The following MAPK9 variants were observed in gnomAD, a reference collection of about 807,000 sequenced individuals.
MAPK9 encodes mitogen-activated protein kinase 9, also known as Jun kinase.
MAPK9 carries 30 observed loss-of-function variants against 57.1 expected under a neutral mutation model. The observed-to-expected ratio is 0.53, with a 90% confidence interval of 0.39 to 0.71. The LOEUF (loss-of-function observed/expected upper bound fraction) is 0.71, where lower values mean the gene tolerates loss of function less well. Among genes scored for constraint, MAPK9 ranks in the 30% least tolerant of loss-of-function variants. The pLI is 0.00. For missense variants in MAPK9, 362 were observed against 521.0 expected (o/e 0.69, Z 2.97); for synonymous variants, 155 against 177.0 (o/e 0.88, Z 0.99).
intron 3 of MAPK9, among the ~76,000 whole-genome samples, chr5:180,267,041 A>G (rs1051768641): frequency 1.3e-5 from 2 of 152,204 alleles, no homozygotes; most frequent in African/African-American, 4.8e-5. Flanking sequence ...TGTTCATTAA[A>G]GTATATGAGG....
At chr5:180,258,273 T>A (rs1310287511) in intron 5 of MAPK9, 1 of 152,266 alleles carries the variant, frequency 6.6e-6, no homozygotes, top group South Asian at 2.1e-4. Context: ...GTTACCTTCA[T>A]AACCATAAAG....
chr5:180,272,503 A>G (rs2127610759), intron 2 of MAPK9, among the ~76,000 whole-genome samples: 1 of 152,250 alleles, frequency 6.6e-6, no homozygotes, highest in Non-Finnish European at 1.5e-5. Flanking sequence ...CCAACTAATT[A>G]GTGTCCCTCC....
At chr5:180,265,913 C>A (rs777237633) in intron 3 of MAPK9, among the ~76,000 whole-genome samples, 1 of 152,006 alleles carries the variant, frequency 6.6e-6, no homozygotes, top group African/African-American at 2.4e-5. Context: ...AATAAAACCT[C>A]AGAATATAGA....
chr5:180,247,342 T>C lies in MAPK9; in HGVS notation c.688+97A>G. The stretch of plus-strand genomic sequence containing the variant: ...TTAGAACACAGTCTGGAGTGGATTT[T>C]ACGACTTTGTCCTCGTGAGCGCTCG... On this transcript the variant is annotated intron_variant, in intron 7 of 11. Transcript: ENST00000452135. The surrounding 1 kb of genome is among the most constrained non-coding windows in gnomAD (Gnocchi z 4.5). The C allele has an allele frequency of 1.4e-6, 2 of 1,416,832 alleles. No homozygotes were observed. The highest frequency in any genetic ancestry group is 2.0e-6 in the Non-Finnish European group (2 of 1,003,602). The allele number at this position is 1,416,832 out of a possible 1,614,324, so 87.8% of individuals were successfully genotyped here. A position where few individuals can be genotyped will look rare whatever the true frequency, so the allele number is the denominator to read the frequency against.
At chr5:180,276,138 A>G (rs1181851776) in intron 2 of MAPK9, among the ~76,000 whole-genome samples, 1 of 152,188 alleles carries the variant, frequency 6.6e-6, no homozygotes, top group Non-Finnish European at 1.5e-5. Context: ...GCCTCAAACC[A>G]TGTCTCCTTT....
intron 2 of MAPK9, among the ~76,000 whole-genome samples, chr5:180,274,209 G>A (rs1761614665): frequency 6.6e-6 from 1 of 152,006 alleles, no homozygotes; most frequent in South Asian, 2.1e-4. Context: ...TATTTTAAGT[G>A]GTATCCTTTT....
At chr5:180,259,017 G>C (rs1308097111) in intron 5 of MAPK9, among the ~76,000 whole-genome samples, 2 of 147,172 alleles carry the variant, frequency 1.4e-5, no homozygotes, top group Middle Eastern at 3.5e-3. Flanking sequence ...CTGGGCAACA[G>C]AGCAAGACTC....
chr5:180,239,861 CCTCTG>C, intron 10 of MAPK9, 58 bp downstream of exon 10: 1 of 1,495,610 alleles, frequency 6.7e-7, no homozygotes, highest in Admixed American at 1.7e-5. Flanking sequence ...AAATGAAAAG[CCTCTG>C]CTCTACAGGA....
chr5:180,278,783 C>T (rs1762052204), intron 2 of MAPK9, among the ~76,000 whole-genome samples: 1 of 143,902 alleles, frequency 6.9e-6, no homozygotes, highest in Admixed American at 6.8e-5. Flanking sequence ...CCCTTCTTGC[C>T]CCCTCTCTCC....
chr5:180,291,980 C>A lies in MAPK9; in HGVS notation c.-180G>T, dbSNP rs1171843221. ...CCCGCTCCGCTCCGCCCCGCCGCCG[C>A]CGCCGCCGCCGCCGCCGCAGTGGGT... On this transcript the variant is annotated 5_prime_UTR_variant, in exon 1 of 12. Transcript: ENST00000452135. 6.3e-6 allele frequency: 1 copy of A among 158,638 alleles called. No individual in the cohort carries two copies. The highest frequency in any genetic ancestry group is 6.7e-5 in the Admixed American group (1 of 14,946). The allele number at this position is 158,638 out of a possible 1,614,324, so 9.8% of individuals were successfully genotyped here.
At chr5:180,252,833 T>C (rs10042187) in intron 5 of MAPK9, among the ~76,000 whole-genome samples, 1,991 of 151,572 alleles carry the variant, frequency 0.013, 53 homozygotes, top group African/African-American at 0.046. Context: ...CAGGAAAGGG[T>C]AGGGAAAGAG....
At chr5:180,277,255 G>A (rs35330632) in intron 2 of MAPK9, among the ~76,000 whole-genome samples, 3,772 of 152,300 alleles carry the variant, frequency 0.025, 155 homozygotes, top group African/African-American at 0.079. Flanking sequence ...AGTTCTGGAG[G>A]TGAGAAGTCC....
chr5:180,248,322 G>A (rs1426278097), intron 6 of MAPK9, among the ~76,000 whole-genome samples: 1 of 152,214 alleles, frequency 6.6e-6, no homozygotes, highest in Non-Finnish European at 1.5e-5. Flanking sequence ...CCCTCAGGGT[G>A]GGAACACAAG....
chr5:180,277,215 C>T (rs1761900234), intron 2 of MAPK9, among the ~76,000 whole-genome samples: 1 of 152,342 alleles, frequency 6.6e-6, no homozygotes, highest in African/African-American at 2.4e-5. Context: ...CAATTTACTG[C>T]TTTAAAGCCA....
At chr5:180,261,661 A>G (rs1007006230) in intron 5 of MAPK9, 23 bp downstream of exon 5, 1 of 1,558,784 alleles carries the variant, frequency 6.4e-7, no homozygotes, top group Non-Finnish European at 8.7e-7. Flanking sequence ...TTTTAAAAAT[A>G]AAATTAATAC....
At position 180,265,587 on chromosome 5, in the gene MAPK9, G is replaced by A. The variant is rs34408479; in HGVS notation, c.253-748C>T. Among the ~76,000 whole-genome samples the A allele has an allele frequency of 5.3e-5, 8 of 152,336 alleles. No individual in the cohort carries two copies. In the East Asian group the frequency reaches 1.5e-3, roughly 29 times the overall value. On this transcript the variant is annotated intron_variant, in intron 3 of 11. Transcript: ENST00000452135. ...CTTCCGCCATGATTGCAAGTTTCCT[G>A]AGGTCTCCCACATCATGCGCAACTA...
At chr5:180,270,227 A>G (rs1761126870) in intron 2 of MAPK9, among the ~76,000 whole-genome samples, 1 of 152,232 alleles carries the variant, frequency 6.6e-6, no homozygotes, top group African/African-American at 2.4e-5. Flanking sequence ...ACTGATTTAA[A>G]TACTGTTTCT....
intron 1 of MAPK9, among the ~76,000 whole-genome samples, chr5:180,288,965 G>A (rs1035229669): frequency 2.0e-5 from 3 of 152,166 alleles, no homozygotes; most frequent in Non-Finnish European, 2.9e-5. Flanking sequence ...GTTGAAACTG[G>A]TTCATACAAT....
intron 2 of MAPK9, among the ~76,000 whole-genome samples, chr5:180,272,905 T>C (rs1761471836): frequency 6.6e-6 from 1 of 152,152 alleles, no homozygotes; most frequent in African/African-American, 2.4e-5. Flanking sequence ...GTCAAACTCT[T>C]TGCCAGAGCG....
Sources: allele counts gnomAD v4.1 joint callset (sites outside exome capture counted in the v4.1 genomes callset), GRCh38; gene constraint gnomAD v4.1.1; non-coding constraint Gnocchi (gnomAD v3.1); transcripts MANE v1.5; gene names NCBI Gene and HGNC (gene_info 2026-07-23, HGNC 2026-07-21).